STX18: variants seen among roughly 807,000 people sequenced by gnomAD.
The protein encoded by STX18 is syntaxin-18.
STX18 carries 40 observed loss-of-function variants against 50.1 expected under a neutral mutation model. The observed-to-expected ratio is 0.80, with a 90% CI of 0.62 to 1.04. The LOEUF (loss-of-function observed/expected upper bound fraction) is 1.04, where lower values mean the gene tolerates loss of function less well. STX18 is among the 50% of genes least tolerant of loss of function. The probability of loss-of-function intolerance (pLI) is 0.00; values close to 1 mark genes in which losing one functional copy is unlikely to be tolerated. For synonymous variants in STX18, 158 were observed against 151.8 expected (o/e 1.04, Z -0.30); for missense variants, 410 against 415.8 (o/e 0.99, Z 0.12).
intron 1 of STX18, among the ~76,000 whole-genome samples, chr4:4,491,291 T>C (rs1175974970): frequency 6.6e-6 from 1 of 152,120 alleles, no homozygotes; most frequent in Non-Finnish European, 1.5e-5. Context: ...AACTTCAGTC[T>C]GGACATTTTA....
chr4:4,426,975 T>A (rs537745060), intron 7 of STX18, among the ~76,000 whole-genome samples: 50 of 152,326 alleles, frequency 3.3e-4, no homozygotes, highest in Middle Eastern at 3.4e-3. Flanking sequence ...TTCCTAGCGA[T>A]CTGATACCTC....
rs201254250 is a variant in STX18 at position 4,449,125 on chromosome 4, C to A, written c.497+8066G>T. 1.2e-4 allele frequency among the ~76,000 whole-genome samples: 18 copies of A among 148,572 alleles called. No homozygotes were observed. In the East Asian group the frequency reaches 2.6e-3, roughly 21 times the overall value. On this transcript the variant is annotated intron_variant, in intron 5 of 10. Transcript: ENST00000306200. ...GTAGTGTTGTGATCATAGCTCACTG[C>A]AGCCTTGAACTCCTGGGCTTAAGCG...
chr4:4,471,542 G>A lies in STX18; in HGVS notation c.236+97C>T, dbSNP rs907518889. ...CTGGTCTTCCTCATTACAACTCTGA[G>A]TTATTAAGAAAAAGGTGAGGGCAAA... is the stretch of plus-strand genomic sequence containing the variant. On this transcript the variant is annotated intron_variant, in intron 2 of 10. Coordinates refer to ENST00000306200, the MANE Select transcript of STX18 (RefSeq NM_016930.4). 18 of 789,198 alleles carry A rather than the reference G, an allele frequency of 2.3e-5. No individual in the cohort carries two copies. The African/African-American group carries it at 2.8e-4, about 12-fold the overall frequency. 48.9% of individuals were successfully genotyped at this position (789,198 alleles called of 1,614,324 possible).
chr4:4,502,813 G>A (rs1469512221), intron 1 of STX18, among the ~76,000 whole-genome samples: 3 of 152,144 alleles, frequency 2.0e-5, no homozygotes, highest in Non-Finnish European at 4.4e-5. Flanking sequence ...AGATCTGCAT[G>A]AGAATCTGCC....
intron 7 of STX18, among the ~76,000 whole-genome samples, chr4:4,432,730 T>G (rs1436072066): frequency 6.6e-6 from 1 of 152,260 alleles, no homozygotes; most frequent in Non-Finnish European, 1.5e-5. Flanking sequence ...ACCTTTTGGC[T>G]TTTTTGTCTT....
chr4:4,464,804 CTTT>C (rs1478215823), intron 2 of STX18, among the ~76,000 whole-genome samples: 3 of 141,792 alleles, frequency 2.1e-5, no homozygotes, highest in Non-Finnish European at 4.5e-5. Flanking sequence ...CTCTTTTCTT[CTTT>C]ATTAGTCTAG....
chr4:4,423,324 TCA>T (rs2108769989), intron 9 of STX18, among the ~76,000 whole-genome samples, 192 bp downstream of exon 9: 1 of 152,332 alleles, frequency 6.6e-6, no homozygotes, highest in Non-Finnish European at 1.5e-5. Context: ...TCCTCCTCCA[TCA>T]CACGTGTGCA....
At chr4:4,434,470 AT>A (rs1725677550) in intron 7 of STX18, among the ~76,000 whole-genome samples, 1 of 152,266 alleles carries the variant, frequency 6.6e-6, no homozygotes, top group African/African-American at 2.4e-5. Context: ...AGTGGCATTT[AT>A]AAAAGACCCA....
rs539801202 is a variant in STX18 at position 4,436,467 on chromosome 4, T to C, written c.614-1609A>G. 3.3e-4 allele frequency among the ~76,000 whole-genome samples: 50 copies of C among 152,094 alleles called. 1 individual carries two copies. The highest frequency in any genetic ancestry group is 1.2e-3 in the African/African-American group (49 of 41,472). On this transcript the variant is annotated intron_variant, in intron 6 of 10. Coordinates refer to ENST00000306200, the MANE Select transcript of STX18 (RefSeq NM_016930.4). ...TCATTATGGTATCCATTTCAAGCTT[T>C]TACTGTTGTTGATTTCTTTTTTAAG...
chr4:4,531,557 C>T (rs1301354869), intron 1 of STX18, among the ~76,000 whole-genome samples: 1 of 152,162 alleles, frequency 6.6e-6, no homozygotes. Context: ...GGCCACAGCA[C>T]CTCCCCGTTT....
intron 1 of STX18, among the ~76,000 whole-genome samples, chr4:4,537,854 G>C (rs1731412739): frequency 6.6e-6 from 1 of 152,110 alleles, no homozygotes; most frequent in Non-Finnish European, 1.5e-5. Flanking sequence ...TCAGTATGCA[G>C]TATTCAGAAT....
intron 2 of STX18, among the ~76,000 whole-genome samples, chr4:4,469,668 A>C (rs1577350916): frequency 6.6e-6 from 1 of 151,886 alleles, no homozygotes; most frequent in South Asian, 2.1e-4. Flanking sequence ...AGGCGGTGTG[A>C]GTGATGACAT....
intron 1 of STX18, among the ~76,000 whole-genome samples, chr4:4,489,594 C>T (rs941986953): frequency 9.2e-5 from 14 of 151,452 alleles, no homozygotes; most frequent in African/African-American, 2.9e-4. Context: ...TTTCTAACAT[C>T]TTCTTTGTTT....
At position 4,467,158 on chromosome 4, in the gene STX18, G is replaced by A. The variant is rs536088224; in HGVS notation, c.236+4481C>T. ...ATAGGAGCAAATGGGGAGGTTAGCA[G>A]TCTTCTGGCCTCTGGCTACATGACT... On this transcript the variant is annotated intron_variant, in intron 2 of 10. Coordinates refer to ENST00000306200, the MANE Select transcript of STX18 (RefSeq NM_016930.4). Among the ~76,000 whole-genome samples, 14 of 152,238 alleles carry A rather than the reference G, an allele frequency of 9.2e-5. No individual in the cohort carries two copies. The South Asian group carries it at 2.5e-3, about 27-fold the overall frequency.
At chr4:4,470,957 C>T (rs1727881787) in intron 2 of STX18, among the ~76,000 whole-genome samples, 1 of 152,166 alleles carries the variant, frequency 6.6e-6, no homozygotes, top group African/African-American at 2.4e-5. Context: ...TTAAAAAAGA[C>T]TCTGGCTACT....
At chr4:4,466,311 T>C (rs1429828385) in intron 2 of STX18, among the ~76,000 whole-genome samples, 1 of 151,998 alleles carries the variant, frequency 6.6e-6, no homozygotes, top group Admixed American at 6.6e-5. Context: ...AGTAGAGGCC[T>C]GGAGGCAGAA....
chr4:4,486,224 A>T (rs1728693360), intron 1 of STX18, among the ~76,000 whole-genome samples: 1 of 152,176 alleles, frequency 6.6e-6, no homozygotes, highest in South Asian at 2.1e-4. Context: ...TTCTACTTTT[A>T]TGCTTTCCAA....
At chr4:4,532,715 T>C (rs562586961) in intron 1 of STX18, among the ~76,000 whole-genome samples, 3 of 152,354 alleles carry the variant, frequency 2.0e-5, no homozygotes, top group South Asian at 4.1e-4. Flanking sequence ...TAGTAAGCTA[T>C]TGGCAAAGGC....
intron 5 of STX18, among the ~76,000 whole-genome samples, chr4:4,452,603 G>T (rs2108809653): frequency 6.6e-6 from 1 of 152,322 alleles, no homozygotes; most frequent in Non-Finnish European, 1.5e-5. Flanking sequence ...AGGCTAAGGT[G>T]GGAGGACTGC....
Sources: allele counts gnomAD v4.1 joint callset (sites outside exome capture counted in the v4.1 genomes callset), GRCh38; gene constraint gnomAD v4.1.1; transcripts MANE v1.5; gene names NCBI Gene and HGNC (gene_info 2026-07-23, HGNC 2026-07-21).